The following TENM3 variants were observed in gnomAD, a reference collection of about 807,000 sequenced individuals.
TENM3 encodes the protein teneurin transmembrane protein 3.
A neutral mutation model predicts 255.1 loss-of-function variants in TENM3; 63 were observed. That is an observed-to-expected ratio of 0.25 (90% CI 0.20 to 0.30). The LOEUF (loss-of-function observed/expected upper bound fraction) is 0.30, where lower values mean the gene tolerates loss of function less well. Ranked by LOEUF, TENM3 falls within the 10% of genes least tolerant of loss-of-function variation. TENM3 has a pLI of 1.00. For synonymous variants in TENM3, 1,306 were observed against 1,322.3 expected (o/e 0.99, Z 0.27); for missense variants, 2,929 against 3,461.1 (o/e 0.85, Z 3.86).
chr4:181,885,731 T>C, the TENM3 span, among the ~76,000 whole-genome samples: 2 of 152,230 alleles, frequency 1.3e-5, no homozygotes, highest in Non-Finnish European at 2.9e-5. Context: ...AACTATCAAT[T>C]CAAAAATTAA....
the TENM3 span, among the ~76,000 whole-genome samples, chr4:181,913,964 T>C: frequency 6.6e-6 from 1 of 152,236 alleles, no homozygotes; most frequent in Non-Finnish European, 1.5e-5. Context: ...TGATGTTCAA[T>C]GGAGAAGATG....
chr4:182,024,500 A>C, the TENM3 span, among the ~76,000 whole-genome samples: 1 of 152,168 alleles, frequency 6.6e-6, no homozygotes, highest in Non-Finnish European at 1.5e-5. Context: ...ATATTTCTTT[A>C]TACTCAGTCT....
the TENM3 span, among the ~76,000 whole-genome samples, chr4:181,870,939 T>G: frequency 6.6e-6 from 1 of 152,108 alleles, no homozygotes; most frequent in Non-Finnish European, 1.5e-5. Flanking sequence ...CTTGAATTAG[T>G]TTTTTATGCA....
chr4:182,468,156 G>A (rs548601911), intron 3 of TENM3, among the ~76,000 whole-genome samples: 1 of 152,318 alleles, frequency 6.6e-6, no homozygotes. Context: ...GGAGTCTGAG[G>A]TGGGAGGATC....
At chr4:182,065,663 C>T in the TENM3 span, among the ~76,000 whole-genome samples, 9 of 152,206 alleles carry the variant, frequency 5.9e-5, no homozygotes, top group Non-Finnish European at 2.9e-5. Context: ...TGGGCAGAGA[C>T]ACACATAGAA....
At chr4:182,469,319 A>T (rs1732897434) in intron 3 of TENM3, among the ~76,000 whole-genome samples, 1 of 152,116 alleles carries the variant, frequency 6.6e-6, no homozygotes, top group Non-Finnish European at 1.5e-5. Flanking sequence ...TTTTTAGTTC[A>T]CGTAATTCAT....
At chr4:181,957,140 T>A in the TENM3 span, among the ~76,000 whole-genome samples, 1 of 152,212 alleles carries the variant, frequency 6.6e-6, no homozygotes, top group African/African-American at 2.4e-5. Flanking sequence ...GCATTATGAA[T>A]GTTTCAGAGC....
the TENM3 span, among the ~76,000 whole-genome samples, chr4:181,546,315 C>T: frequency 6.6e-6 from 1 of 152,162 alleles, no homozygotes; most frequent in African/African-American, 2.4e-5. Flanking sequence ...CTCGTGCTCA[C>T]AGTACAACTG....
At chr4:181,794,630 A>T in the TENM3 span, among the ~76,000 whole-genome samples, 1 of 145,326 alleles carries the variant, frequency 6.9e-6, no homozygotes. Flanking sequence ...TTCTTTTTTA[A>T]GGCATTTCCT....
intron 11 of TENM3, among the ~76,000 whole-genome samples, chr4:182,684,285 A>C (rs1756396326): frequency 1.3e-5 from 2 of 151,690 alleles, no homozygotes; most frequent in East Asian, 2.0e-4. Context: ...TCCTGCTTAG[A>C]TTAAACATAA....
the TENM3 span, among the ~76,000 whole-genome samples, chr4:181,663,672 G>A: frequency 2.0e-5 from 3 of 152,174 alleles, no homozygotes; most frequent in Non-Finnish European, 4.4e-5. Flanking sequence ...AAAGGAAGGA[G>A]TTTTTCTGAG....
the TENM3 span, among the ~76,000 whole-genome samples, chr4:181,451,170 G>T: frequency 6.6e-6 from 1 of 152,146 alleles, no homozygotes; most frequent in East Asian, 1.9e-4. Context: ...CTTAAAGCTT[G>T]AATTAGCAAC....
intron 1 of TENM3, chr4:182,145,368 C>T (rs1749884468): frequency 6.6e-6 from 1 of 152,162 alleles, no homozygotes; most frequent in Non-Finnish European, 1.5e-5. Flanking sequence ...GTTGGAAACA[C>T]ACACAAAATA....
chr4:182,211,173 G>C (rs1755011941), intron 1 of TENM3, among the ~76,000 whole-genome samples: 1 of 152,230 alleles, frequency 6.6e-6, no homozygotes, highest in South Asian at 2.1e-4. Context: ...AAAGAACCAG[G>C]ATTGTTTTTA....
chr4:182,037,098 G>A, the TENM3 span, among the ~76,000 whole-genome samples: 1 of 150,918 alleles, frequency 6.6e-6, no homozygotes, highest in South Asian at 2.1e-4. Context: ...CTCTCATTCT[G>A]TTAAACTGTG....
At chr4:181,553,316 ATGCG>A in the TENM3 span, among the ~76,000 whole-genome samples, 4,743 of 110,130 alleles carry the variant, frequency 0.043, 197 homozygotes, top group African/African-American at 0.12. Flanking sequence ...GTGTATGTGT[ATGCG>A]TATATATATA....
Position 182,250,243 on chromosome 4 carries a change from G to A in TENM3, c.-76+6767G>A, listed in dbSNP as rs575816951. 2.4e-4 allele frequency among the ~76,000 whole-genome samples: 37 copies of A among 151,618 alleles called. 1 individual carries two copies. In the South Asian group the frequency reaches 5.6e-3, roughly 23 times the overall value. Reference sequence around the variant, plus strand: ...ACTTTTTTGTATTTTTAGTAGAGACGGGGTTTCACTGTGTTAGCCAGGATG... The same window carrying A: ...ACTTTTTTGTATTTTTAGTAGAGACAGGGTTTCACTGTGTTAGCCAGGATG... On this transcript the variant is annotated intron_variant, in intron 1 of 27. Coordinates refer to ENST00000511685, the MANE Select transcript of TENM3 (RefSeq NM_001080477.4).
chr4:181,950,050 G>A, the TENM3 span, among the ~76,000 whole-genome samples: 1 of 152,136 alleles, frequency 6.6e-6, no homozygotes, highest in African/African-American at 2.4e-5. Flanking sequence ...CAGATGGCCT[G>A]AAGAATCACA....
Position 182,800,003 on chromosome 4 carries a change from G to T in TENM3, c.7752G>T (p.Thr2584=). The T allele has an allele frequency of 6.3e-7, 1 of 1,593,658 alleles. No individual in the cohort carries two copies. The highest frequency in any genetic ancestry group is 8.5e-7 in the Non-Finnish European group (1 of 1,170,976). Residue 2584 remains threonine (T), a synonymous_variant, in exon 28 of 28, where the codon ACG becomes ACT. Coordinates refer to ENST00000511685, the MANE Select transcript of TENM3 (RefSeq NM_001080477.4). The part of the protein sequence containing the change: ...GINVTVSQST[T]VVNGRTRRFA... ...ACGTGACGGTGTCGCAGTCCACCAC[G>T]GTGGTGAACGGCAGGACGCGCAGGT... is the stretch of plus-strand genomic sequence containing the variant.
Sources: gnomAD v4.1 joint callset for allele counts (sites outside exome capture counted in the v4.1 genomes callset) on GRCh38, gnomAD v4.1.1 for gene constraint, MANE v1.5 for transcripts, NCBI Gene and HGNC (gene_info 2026-07-23, HGNC 2026-07-21) for gene names.